The following MAP7 variants were observed in gnomAD, a reference collection of about 807,000 sequenced individuals.
The protein encoded by MAP7 is ensconsin.
MAP7 carries 52 observed loss-of-function variants against 94.8 expected under a neutral mutation model. The observed-to-expected ratio is 0.55, with a 90% CI of 0.44 to 0.69. The LOEUF is 0.69. Among genes scored for constraint, MAP7 ranks in the 30% least tolerant of loss-of-function variants. The pLI is 0.00. For synonymous variants in MAP7, 350 were observed against 357.0 expected, an observed-to-expected ratio of 0.98 and a Z score of 0.22; for missense variants, 940 against 964.6, an observed-to-expected ratio of 0.97 and a Z score of 0.34.
At chr6:136,426,656 G>A (rs189267121) in intron 1 of MAP7, among the ~76,000 whole-genome samples, 65 of 152,322 alleles carry the variant, frequency 4.3e-4, no homozygotes, top group African/African-American at 1.5e-3. Context: ...GATGGAGCAC[G>A]AGCAAAACTA....
chr6:136,462,260 G>A (rs971622102), intron 1 of MAP7, among the ~76,000 whole-genome samples: 2 of 151,810 alleles, frequency 1.3e-5, no homozygotes, highest in African/African-American at 4.8e-5. Flanking sequence ...ATGACTCAGT[G>A]AAACGCTATG....
Position 136,459,138 on chromosome 6 carries a change from A to G in MAP7, c.68-37339T>C, listed in dbSNP as rs181996314. Reference sequence around the variant, plus strand: ...GACAACATACAAATGGCCAACAGGTATGTGAAAAGATGCTCAATACTACTA... The same window carrying G: ...GACAACATACAAATGGCCAACAGGTGTGTGAAAAGATGCTCAATACTACTA... On this transcript the variant is annotated intron_variant, in intron 1 of 17. Transcript: ENST00000354570. Among the ~76,000 whole-genome samples, 64 of 152,302 alleles carry G rather than the reference A, an allele frequency of 4.2e-4. 1 individual carries two copies. Among genetic ancestry groups the G allele is most frequent in the Non-Finnish European group, 8.1e-4 (55 of 67,988 alleles).
intron 5 of MAP7, among the ~76,000 whole-genome samples, chr6:136,387,569 G>C (rs968240150): frequency 2.0e-5 from 3 of 152,098 alleles, no homozygotes; most frequent in African/African-American, 7.2e-5. Flanking sequence ...CCCTAGGTCT[G>C]AGGTGCTAGC....
At chr6:136,507,890 C>T (rs1180606638) in intron 1 of MAP7, among the ~76,000 whole-genome samples, 1 of 152,198 alleles carries the variant, frequency 6.6e-6, no homozygotes, top group Non-Finnish European at 1.5e-5. Flanking sequence ...GTTTTAACTC[C>T]TACACCGTAT....
intron 2 of MAP7, among the ~76,000 whole-genome samples, chr6:136,413,561 AC>A (rs1274095012): frequency 4.6e-5 from 7 of 151,838 alleles, no homozygotes; most frequent in African/African-American, 1.7e-4. Context: ...TACAGTAGAG[AC>A]AAATAGCAGT....
At chr6:136,357,295 C>T (rs747114531) in intron 15 of MAP7, among the ~76,000 whole-genome samples, 4 of 152,122 alleles carry the variant, frequency 2.6e-5, no homozygotes, top group Non-Finnish European at 5.9e-5. Flanking sequence ...TGTACTGTAC[C>T]TCACCATTCC....
chr6:136,355,044 T>C (rs1790477965), intron 16 of MAP7, among the ~76,000 whole-genome samples: 1 of 152,080 alleles, frequency 6.6e-6, no homozygotes, highest in Non-Finnish European at 1.5e-5. Flanking sequence ...GTTAATATGA[T>C]GAAACCCATC....
intron 1 of MAP7, among the ~76,000 whole-genome samples, chr6:136,510,506 A>G (rs1822945256): frequency 6.6e-6 from 1 of 152,094 alleles, no homozygotes; most frequent in Admixed American, 6.5e-5. Context: ...GGGGGTTCAG[A>G]AGCCTGGGGG....
At position 136,465,584 on chromosome 6, in the gene MAP7, A is replaced by T. The variant is rs576859293; in HGVS notation, c.68-43785T>A. On this transcript the variant is annotated intron_variant, in intron 1 of 17. Transcript: ENST00000354570. ...GCATTTTTACTCTTCTTTAATGTAT[A>T]TACAACCCTGAACATTTGAGATTAT... is the stretch of plus-strand genomic sequence containing the variant. 2.0e-5 allele frequency among the ~76,000 whole-genome samples: 3 copies of T among 152,338 alleles called. No homozygotes were observed. In the South Asian group the frequency reaches 6.2e-4, roughly 32 times the overall value.
intron 3 of MAP7, among the ~76,000 whole-genome samples, chr6:136,391,760 G>C (rs1186105396): frequency 2.0e-5 from 3 of 150,704 alleles, no homozygotes; most frequent in Admixed American, 2.0e-4. Flanking sequence ...CACTTTAAAA[G>C]TTAAGAGAAG....
At chr6:136,447,737 A>G (rs377251435) in intron 1 of MAP7, among the ~76,000 whole-genome samples, 2 of 152,344 alleles carry the variant, frequency 1.3e-5, no homozygotes, top group South Asian at 2.1e-4. Context: ...ATCAATATCA[A>G]CTTATCCTGA....
Position 136,421,781 on chromosome 6 carries a change from A to C in MAP7, c.86T>G (p.Val29Gly), listed in dbSNP as rs1352459438. ...RSETAPDSYKVQDKKNASSRP... is the reference protein window; with the variant it reads ...RSETAPDSYKGQDKKNASSRP... ...GCTGGAGGCATTTTTCTTATCTTGCACTTTGTAGCTGTCGGGTGCTACAGA... is the reference window on the plus strand; with the variant it reads ...GCTGGAGGCATTTTTCTTATCTTGCCCTTTGTAGCTGTCGGGTGCTACAGA... Residue 29 changes from valine (V) to glycine (G), a missense_variant, in exon 2 of 18, where the codon GTG becomes GGG. Physicochemically the swap from Val to Gly is moderately radical, Grantham distance 109. Coordinates refer to ENST00000354570, the MANE Select transcript of MAP7 (RefSeq NM_003980.6). The C allele has an allele frequency of 6.2e-7, 1 of 1,612,484 alleles. No individual in the cohort carries two copies. Among genetic ancestry groups the C allele is most frequent in the Non-Finnish European group, 8.5e-7 (1 of 1,179,574 alleles).
At chr6:136,369,857 G>A (rs1274797323) in intron 8 of MAP7, among the ~76,000 whole-genome samples, 1 of 152,114 alleles carries the variant, frequency 6.6e-6, no homozygotes, top group Admixed American at 6.5e-5. Context: ...CACTGTGTTT[G>A]GTACTGATTT....
intron 3 of MAP7, among the ~76,000 whole-genome samples, chr6:136,405,720 T>C (rs1270963072): frequency 6.6e-6 from 1 of 152,082 alleles, no homozygotes; most frequent in Non-Finnish European, 1.5e-5. Flanking sequence ...AGGACACCGG[T>C]TGGGAGCCTA....
intron 1 of MAP7, among the ~76,000 whole-genome samples, chr6:136,481,655 G>A (rs988807804): frequency 3.9e-5 from 6 of 152,148 alleles, no homozygotes; most frequent in African/African-American, 1.2e-4. Context: ...AGTAGGGATG[G>A]TTAACGGTAC....
intron 8 of MAP7, among the ~76,000 whole-genome samples, chr6:136,369,279 T>A (rs1331401979): frequency 6.6e-6 from 1 of 152,160 alleles, no homozygotes; most frequent in Non-Finnish European, 1.5e-5. Context: ...TCAAGACAGA[T>A]ATAGATATAT....
intron 1 of MAP7, among the ~76,000 whole-genome samples, chr6:136,470,370 G>A (rs1264693940): frequency 6.6e-6 from 1 of 151,702 alleles, no homozygotes; most frequent in Non-Finnish European, 1.5e-5. Flanking sequence ...ATATATTTAG[G>A]GTGTACAACA....
intron 1 of MAP7, among the ~76,000 whole-genome samples, chr6:136,468,248 A>T (rs1353760216): frequency 6.6e-6 from 1 of 151,968 alleles, no homozygotes; most frequent in Non-Finnish European, 1.5e-5. Context: ...TAGACTGGAT[A>T]ATTCTTTGTT....
intron 3 of MAP7, among the ~76,000 whole-genome samples, chr6:136,403,635 T>C (rs1784784162): frequency 6.6e-6 from 1 of 152,270 alleles, no homozygotes; most frequent in Non-Finnish European, 1.5e-5. Context: ...TACCGTCATC[T>C]GTTTACAAGA....
Sources: allele counts gnomAD v4.1 joint callset (sites outside exome capture counted in the v4.1 genomes callset), GRCh38; gene constraint gnomAD v4.1.1; transcripts MANE v1.5; gene names NCBI Gene and HGNC (gene_info 2026-07-23, HGNC 2026-07-21).